Variants in ENOX1 observed in about 807,000 individuals in gnomAD.
The protein encoded by ENOX1 is ecto-NOX disulfide-thiol exchanger 1.
A neutral mutation model predicts 82.5 loss-of-function variants in ENOX1; 42 were observed. The ratio of observed to expected loss-of-function variants is 0.51; its 90% CI spans 0.40 to 0.66. The LOEUF (loss-of-function observed/expected upper bound fraction) is 0.66. Among genes scored for constraint, ENOX1 ranks in the 30% least tolerant of loss-of-function variants. ENOX1 has a pLI of 0.00. For synonymous variants in ENOX1, 271 were observed against 282.2 expected (o/e 0.96, Z 0.40); for missense variants, 608 against 811.6 (o/e 0.75, Z 3.05).
At chr13:43,342,678 C>A (rs1173476055) in intron 9 of ENOX1, among the ~76,000 whole-genome samples, 2 of 152,158 alleles carry the variant, frequency 1.3e-5, no homozygotes, top group African/African-American at 2.4e-5. Flanking sequence ...GTGGCTGGGG[C>A]CTTCAGTGCT....
intron 5 of ENOX1, among the ~76,000 whole-genome samples, chr13:43,395,163 G>C (rs2053061075): frequency 6.6e-6 from 1 of 152,172 alleles, no homozygotes; most frequent in Non-Finnish European, 1.5e-5. Flanking sequence ...TCTGCCATGA[G>C]CATGGGAATA....
At chr13:43,464,011 T>A (rs1274042103) in intron 3 of ENOX1, among the ~76,000 whole-genome samples, 1 of 152,162 alleles carries the variant, frequency 6.6e-6, no homozygotes, top group Non-Finnish European at 1.5e-5. Context: ...AGAGGCATGC[T>A]TACAGGCACA....
chr13:43,723,596 G>A (rs115785298), intron 1 of ENOX1, among the ~76,000 whole-genome samples: 2,120 of 152,204 alleles, frequency 0.014, 49 homozygotes, highest in African/African-American at 0.047. Flanking sequence ...GAGTACAAAT[G>A]CATTTTAACA....
chr13:43,354,392 G>A (rs2050008985), intron 8 of ENOX1, among the ~76,000 whole-genome samples: 1 of 151,988 alleles, frequency 6.6e-6, no homozygotes, highest in Admixed American at 6.6e-5. Context: ...GTATTTCAGT[G>A]GCAGCTGCAG....
At chr13:43,358,357 T>A (rs970981191) in intron 7 of ENOX1, among the ~76,000 whole-genome samples, 2 of 144,324 alleles carry the variant, frequency 1.4e-5, no homozygotes, top group African/African-American at 5.2e-5. Flanking sequence ...CAAATGTGTA[T>A]CCAAAACACA....
chr13:43,318,863 G>A (rs1040238396), intron 11 of ENOX1, among the ~76,000 whole-genome samples: 2 of 152,128 alleles, frequency 1.3e-5, no homozygotes, highest in South Asian at 2.1e-4. Context: ...ATACTAAAAC[G>A]TATCGGGTTT....
chr13:43,757,860 A>G (rs1353760552), intron 1 of ENOX1, among the ~76,000 whole-genome samples: 2 of 152,200 alleles, frequency 1.3e-5, no homozygotes, highest in Non-Finnish European at 2.9e-5. Context: ...CCTATGTTCA[A>G]ACAAAAACCT....
intron 2 of ENOX1, among the ~76,000 whole-genome samples, chr13:43,518,253 G>A (rs2077631401): frequency 6.6e-6 from 1 of 151,942 alleles, no homozygotes; most frequent in Non-Finnish European, 1.5e-5. Flanking sequence ...TGTGTTGTGA[G>A]AACAGATCTA....
At chr13:43,218,635 A>T (rs2041617575) in intron 16 of ENOX1, among the ~76,000 whole-genome samples, 1 of 152,218 alleles carries the variant, frequency 6.6e-6, no homozygotes, top group Admixed American at 6.5e-5. Context: ...CAAGAAAAAA[A>T]GGGATCTCAG....
At chr13:43,356,256 C>CT in intron 7 of ENOX1, 104 bp from the exon 8 acceptor site, 1 of 927,392 alleles carries the variant, frequency 1.1e-6, no homozygotes, top group Non-Finnish European at 1.6e-6. Context: ...TATTTCTTGG[C>CT]TGTCACTACG....
chr13:43,399,010 T>C (rs1338878475), intron 5 of ENOX1, among the ~76,000 whole-genome samples: 1 of 151,770 alleles, frequency 6.6e-6, no homozygotes, highest in Non-Finnish European at 1.5e-5. Flanking sequence ...GTTAGACTGA[T>C]TTCAAACTCC....
intron 2 of ENOX1, among the ~76,000 whole-genome samples, chr13:43,639,840 C>T (rs2083562337): frequency 6.6e-6 from 1 of 152,062 alleles, no homozygotes; most frequent in South Asian, 2.1e-4. Context: ...ATTATCCTGG[C>T]CAACATGGCA....
intron 2 of ENOX1, among the ~76,000 whole-genome samples, chr13:43,523,115 C>T (rs898476537): frequency 6.6e-6 from 1 of 152,172 alleles, no homozygotes; most frequent in Admixed American, 6.5e-5. Flanking sequence ...TCACTCCCAT[C>T]CTCTGCAAGA....
chr13:43,326,358 G>A, intron 10 of ENOX1, 61 bp downstream of exon 10: 3 of 1,421,002 alleles, frequency 2.1e-6, no homozygotes, highest in South Asian at 1.2e-5. Context: ...CTGCAGCCAT[G>A]CTATTCTCTG....
intron 2 of ENOX1, among the ~76,000 whole-genome samples, chr13:43,578,636 C>T (rs2080553099): frequency 6.6e-6 from 1 of 152,110 alleles, no homozygotes; most frequent in Non-Finnish European, 1.5e-5. Context: ...TTATCTGACA[C>T]TTTTTTGTTC....
At chr13:43,469,901 G>A (rs1448314243) in intron 3 of ENOX1, among the ~76,000 whole-genome samples, 1 of 151,824 alleles carries the variant, frequency 6.6e-6, no homozygotes, top group Non-Finnish European at 1.5e-5. Context: ...AATCAGTGTA[G>A]TCTGGTACAC....
At chr13:43,435,930 T>TAAA (rs367835483) in intron 3 of ENOX1, among the ~76,000 whole-genome samples, 69 of 139,808 alleles carry the variant, frequency 4.9e-4, no homozygotes, top group African/African-American at 1.5e-3. Flanking sequence ...CTCAAAGGAT[T>TAAA]AAAAAAAAAA....
intron 1 of ENOX1, among the ~76,000 whole-genome samples, chr13:43,750,832 T>A (rs1950272279): frequency 6.6e-6 from 1 of 152,172 alleles, no homozygotes; most frequent in Admixed American, 6.5e-5. Context: ...ACAGAGAACC[T>A]TTACTGGTTG....
chr13:43,708,483 T>C (rs1230032026), intron 1 of ENOX1, among the ~76,000 whole-genome samples: 2 of 152,172 alleles, frequency 1.3e-5, no homozygotes, highest in African/African-American at 4.8e-5. Flanking sequence ...AAACTTTGAC[T>C]CCTATTCTAA....
Sources: allele counts gnomAD v4.1 joint callset (sites outside exome capture counted in the v4.1 genomes callset), GRCh38; gene constraint gnomAD v4.1.1; transcripts MANE v1.5; gene names NCBI Gene and HGNC (gene_info 2026-07-23, HGNC 2026-07-21).